Variants in CA12 observed in about 807,000 individuals in gnomAD.
The protein encoded by CA12 is carbonate dehydratase XII.
In CA12, 36 loss-of-function variants were observed where a neutral mutation model predicts 46.8. That is an observed-to-expected ratio of 0.77 (90% CI 0.59 to 1.02). The LOEUF (loss-of-function observed/expected upper bound fraction) is 1.02. CA12 is among the 50% of genes least tolerant of loss of function. The probability of loss-of-function intolerance (pLI) is 0.00; values close to 1 mark genes in which losing one functional copy is unlikely to be tolerated. For synonymous variants in CA12, 202 were observed against 187.0 expected (o/e 1.08, Z -0.65); for missense variants, 436 against 451.4 (o/e 0.97, Z 0.31).
chr15:63,336,510 C>T (rs1370614736), intron 8 of CA12, among the ~76,000 whole-genome samples: 1 of 149,842 alleles, frequency 6.7e-6, no homozygotes, highest in African/African-American at 2.5e-5. Flanking sequence ...ATATTAGCAC[C>T]GAAAGGACAT....
Position 63,372,502 on chromosome 15 carries a change from T to C in CA12, c.106+3156A>G, listed in dbSNP as rs925029886. ...TTTTGTACTTCTAAAAGTCCTACCATGTGTGCCAGACAGTGGGAGGCCCCT... is the reference window on the plus strand; with the variant it reads ...TTTTGTACTTCTAAAAGTCCTACCACGTGTGCCAGACAGTGGGAGGCCCCT... On this transcript the variant is annotated intron_variant, in intron 2 of 10. Coordinates refer to ENST00000178638, the MANE Select transcript of CA12 (RefSeq NM_001218.5). The surrounding 1 kb of genome is among the most constrained non-coding windows in gnomAD (Gnocchi z 4.5). Among the ~76,000 whole-genome samples, 8 of 152,188 alleles carry C rather than the reference T, an allele frequency of 5.3e-5. No homozygotes were observed. Among genetic ancestry groups the C allele is most frequent in the African/African-American group, 1.9e-4 (8 of 41,438 alleles).
At chr15:63,364,344 A>AAAAAAAAAAAC (rs2039410671) in intron 2 of CA12, among the ~76,000 whole-genome samples, 3 of 149,494 alleles carry the variant, frequency 2.0e-5, no homozygotes, top group South Asian at 4.3e-4. Flanking sequence ...AAAAAAAAAA[A>AAAAAAAAAAAC]AAAAAAAAAA....
intron 2 of CA12, among the ~76,000 whole-genome samples, chr15:63,350,560 C>T (rs925483096): frequency 6.6e-6 from 1 of 152,128 alleles, no homozygotes; most frequent in Non-Finnish European, 1.5e-5. Context: ...TAAATAAAGC[C>T]AAGGCATTAT....
intron 2 of CA12, among the ~76,000 whole-genome samples, chr15:63,371,459 T>C (rs2039506057): frequency 1.3e-5 from 2 of 152,144 alleles, no homozygotes; most frequent in Non-Finnish European, 2.9e-5. Flanking sequence ...TGTAAGCATG[T>C]GCGGCCACAG....
At chr15:63,369,311 A>C (rs538917490) in intron 2 of CA12, among the ~76,000 whole-genome samples, 11 of 152,326 alleles carry the variant, frequency 7.2e-5, no homozygotes, top group Middle Eastern at 6.8e-3. Flanking sequence ...GGTGCTGTAG[A>C]GTTTACAAGG....
At chr15:63,379,270 G>A (rs556333900) in intron 1 of CA12, among the ~76,000 whole-genome samples, 10 of 152,256 alleles carry the variant, frequency 6.6e-5, no homozygotes, top group South Asian at 2.1e-4. Flanking sequence ...GGGGAGAAGC[G>A]GCGTTGTAAG....
intron 8 of CA12, among the ~76,000 whole-genome samples, chr15:63,334,099 C>T (rs904920919): frequency 3.9e-5 from 6 of 152,100 alleles, no homozygotes; most frequent in African/African-American, 7.2e-5. Context: ...CTGCCTCTGC[C>T]GTCTTTCCCC....
rs755158581 is a variant in CA12 at position 63,328,112 on chromosome 15, G to C, written c.893C>G (p.Ala298Gly). 6.2e-7 allele frequency: 1 copy of C among 1,614,054 alleles called. No individual in the cohort carries two copies. Among genetic ancestry groups the C allele is most frequent in the East Asian group, 2.2e-5 (1 of 44,868 alleles). The change falls in exon 9 of 11, where the codon GCA (alanine) becomes GGA (glycine). Residue 298 changes from alanine (A) to glycine (G), a missense_variant. By Grantham distance (60) the Ala-to-Gly change is moderately conservative. Transcript: ENST00000178638. The surrounding 1 kb of genome is among the most constrained non-coding windows in gnomAD (Gnocchi z 5.9). ...CAGCCACATACCCAGACTCAGTCCT[G>C]CCGCAGTACAGACTTGCACTTAAAA... is the stretch of plus-strand genomic sequence containing the variant. ...SFSQVQVCTA[A>G]GLSLGIILSL...
At position 63,381,671 on chromosome 15, in the gene CA12, A is replaced by G. The variant is rs779733674; in HGVS notation, c.50T>C (p.Leu17Ser). 1 of 1,611,596 alleles carries G rather than the reference A, an allele frequency of 6.2e-7. No individual in the cohort carries two copies. The highest frequency in any genetic ancestry group is 8.5e-7 in the Non-Finnish European group (1 of 1,178,982). ...HAAAVLLLVILKEQPSSPAPV... is the reference protein window; with the variant it reads ...HAAAVLLLVISKEQPSSPAPV... Reference sequence around the variant, plus strand: ...GGCCGGGCTGGAAGGCTGTTCCTTTAAGATCACCAGCAGGAGCACGGCCGC... The same window carrying G: ...GGCCGGGCTGGAAGGCTGTTCCTTTGAGATCACCAGCAGGAGCACGGCCGC... Residue 17 changes from leucine to serine, a missense_variant, in exon 1 of 11, where the codon TTA (leucine) becomes TCA (serine). Physicochemically the swap from Leu to Ser is moderately radical, Grantham distance 145 (BLOSUM62 -2). Transcript: ENST00000178638.
intron 2 of CA12, among the ~76,000 whole-genome samples, chr15:63,356,677 C>T (rs2039300131): frequency 6.6e-6 from 1 of 152,012 alleles, no homozygotes; most frequent in Admixed American, 6.6e-5. Flanking sequence ...TGCACATCAC[C>T]ACACCCAGCT....
At chr15:63,336,439 A>G (rs916583637) in intron 8 of CA12, among the ~76,000 whole-genome samples, 4 of 151,402 alleles carry the variant, frequency 2.6e-5, no homozygotes, top group Admixed American at 2.0e-4. Context: ...GCCCTCAAAC[A>G]CTGTCCCTGC....
intron 4 of CA12, 48 bp from the exon 5 acceptor site, chr15:63,342,145 A>T: frequency 3.2e-6 from 4 of 1,234,466 alleles, no homozygotes; most frequent in Non-Finnish European, 4.8e-6. Flanking sequence ...GACTCATGGG[A>T]GCCTGTCGCT....
At chr15:63,346,103 G>C (rs2039143992) in intron 3 of CA12, among the ~76,000 whole-genome samples, 1 of 152,188 alleles carries the variant, frequency 6.6e-6, no homozygotes, top group Non-Finnish European at 1.5e-5. Context: ...AGCTCAAGGA[G>C]ACTAAAATTC....
chr15:63,334,806 T>A (rs937648918), intron 8 of CA12, among the ~76,000 whole-genome samples: 33 of 152,298 alleles, frequency 2.2e-4, no homozygotes, highest in African/African-American at 7.7e-4. Flanking sequence ...CTACGTCTCT[T>A]GGTCTTACCC....
intron 2 of CA12, among the ~76,000 whole-genome samples, chr15:63,364,332 G>GGAAAA (rs777342866): frequency 3.6e-5 from 2 of 56,138 alleles, no homozygotes; most frequent in Non-Finnish European, 6.0e-5. Flanking sequence ...CCCGTCACTA[G>GGAAAA]AAAAAAAAAA....
chr15:63,356,262 A>G (rs2039294425), intron 2 of CA12, among the ~76,000 whole-genome samples: 2 of 152,240 alleles, frequency 1.3e-5, no homozygotes, highest in East Asian at 3.9e-4. Context: ...GCATGGTGGC[A>G]TACGCCTGTA....
In CA12 at chr15:63,328,025, G is replaced by A. The variant is rs116963917; in HGVS notation, c.907+73C>T. On this transcript the variant is annotated intron_variant, in intron 9 of 10. Coordinates refer to ENST00000178638, the MANE Select transcript of CA12 (RefSeq NM_001218.5). The surrounding 1 kb of genome is among the most constrained non-coding windows in gnomAD (Gnocchi z 5.9). ...AATAGTACAGAGAAGCAGAGAGGAC[G>A]GGCTTGGATCACACCAAGAATCACA... is the stretch of plus-strand genomic sequence containing the variant. The A allele has an allele frequency of 7.2e-4, 1,011 of 1,401,768 alleles. 6 individuals carry two copies. The East Asian group carries it at 0.012, about 16-fold the overall frequency. The allele number at this position is 1,401,768 out of a possible 1,614,324, so 86.8% of individuals were successfully genotyped here.
At position 63,354,273 on chromosome 15, in the gene CA12, G is replaced by T. The variant is rs745950016; in HGVS notation, c.107-7564C>A. 2.0e-5 allele frequency among the ~76,000 whole-genome samples: 3 copies of T among 152,104 alleles called. No homozygotes were observed. In the South Asian group the frequency reaches 6.2e-4, roughly 32 times the overall value. On this transcript the variant is annotated intron_variant, in intron 2 of 10. Coordinates refer to ENST00000178638, the MANE Select transcript of CA12 (RefSeq NM_001218.5). Reference sequence around the variant, plus strand: ...AGTGAGGGAGGGCTAGAAGGGGAGGGTTACTTGTTATGAATAAAGCTCAAA... The same window carrying T: ...AGTGAGGGAGGGCTAGAAGGGGAGGTTTACTTGTTATGAATAAAGCTCAAA...
At chr15:63,333,375 T>A (rs2038960020) in intron 8 of CA12, among the ~76,000 whole-genome samples, 1 of 152,230 alleles carries the variant, frequency 6.6e-6, no homozygotes, top group African/African-American at 2.4e-5. Flanking sequence ...ACACCCACCA[T>A]GGGGTTTTCT....
Sources: allele counts gnomAD v4.1 joint callset (sites outside exome capture counted in the v4.1 genomes callset), GRCh38; gene constraint gnomAD v4.1.1; non-coding constraint Gnocchi (gnomAD v3.1); transcripts MANE v1.5; gene names NCBI Gene and HGNC (gene_info 2026-07-23, HGNC 2026-07-21).